STRN: variants seen among roughly 807,000 people sequenced by gnomAD.
STRN encodes protein phosphatase 2 regulatory subunit B'''alpha.
Under a neutral mutation model 96.3 loss-of-function variants are expected in STRN, and 53 were observed. That is an observed-to-expected ratio of 0.55 (90% CI 0.44 to 0.69). The LOEUF (loss-of-function observed/expected upper bound fraction) is 0.69, where lower values mean the gene tolerates loss of function less well. STRN is among the 30% of genes least tolerant of loss of function. The probability of loss-of-function intolerance (pLI) is 0.00; values close to 1 mark genes in which losing one functional copy is unlikely to be tolerated. For missense variants in STRN, 987 were observed against 963.9 expected (o/e 1.02, Z -0.32); for synonymous variants, 428 against 355.9 (o/e 1.20, Z -2.28).
At chr2:36,876,170 T>G (rs1382129137) in intron 10 of STRN, among the ~76,000 whole-genome samples, 2 of 150,168 alleles carry the variant, frequency 1.3e-5, no homozygotes, top group Non-Finnish European at 2.9e-5. Flanking sequence ...CTTGGGAGGC[T>G]GAGATGGGAG....
intron 6 of STRN, among the ~76,000 whole-genome samples, chr2:36,898,078 T>C (rs1669591377): frequency 6.6e-6 from 1 of 152,202 alleles, no homozygotes; most frequent in South Asian, 2.1e-4. Flanking sequence ...GTTTAGGAAT[T>C]TCTAGTAAGA....
At chr2:36,932,450 C>T (rs1465287305) in intron 1 of STRN, among the ~76,000 whole-genome samples, 2 of 152,132 alleles carry the variant, frequency 1.3e-5, no homozygotes, top group Non-Finnish European at 2.9e-5. Flanking sequence ...CCACCGCACC[C>T]GGCCTAGTTT....
intron 1 of STRN, among the ~76,000 whole-genome samples, chr2:36,932,271 C>G (rs1476839283): frequency 1.3e-5 from 2 of 152,016 alleles, no homozygotes; most frequent in Non-Finnish European, 2.9e-5. Context: ...TCTCCTATGT[C>G]AGCCTCCAGA....
chr2:36,916,068 A>G lies in STRN; in HGVS notation c.412+10T>C. On this transcript the variant is annotated intron_variant, in intron 3 of 17. Coordinates refer to ENST00000263918, the MANE Select transcript of STRN (RefSeq NM_003162.4). Reference sequence around the variant, plus strand: ...TTTTAACACTTAAACTTCCATTAAAATTAGCTTACCAGAATCATAGCTTGG... The same window carrying G: ...TTTTAACACTTAAACTTCCATTAAAGTTAGCTTACCAGAATCATAGCTTGG... 3 of 1,609,310 alleles carry G rather than the reference A, an allele frequency of 1.9e-6. No homozygotes were observed. The highest frequency in any genetic ancestry group is 2.5e-6 in the Non-Finnish European group (3 of 1,176,890).
At chr2:36,953,964 G>A (rs1032788119) in intron 1 of STRN, among the ~76,000 whole-genome samples, 1 of 152,070 alleles carries the variant, frequency 6.6e-6, no homozygotes, top group Non-Finnish European at 1.5e-5. Flanking sequence ...CCTATGAATA[G>A]TCACTGCACT....
Position 36,840,381 on chromosome 2 carries a change from G to A in STRN, c.*9075C>T, listed in dbSNP as rs1667923436. 6.6e-6 allele frequency: 1 copy of A among 152,130 alleles called. No individual in the cohort carries two copies. Among genetic ancestry groups the A allele is most frequent in the Non-Finnish European group, 1.5e-5 (1 of 68,064 alleles). The allele number at this position is 152,130 out of a possible 1,614,324, so 9.4% of individuals were successfully genotyped here. On this transcript the variant is annotated 3_prime_UTR_variant, in exon 18 of 18. Transcript: ENST00000263918. ...CATGCTCTGCTCAGTTTTCACGCAG[G>A]CAGGACTGGAACTGTGCAGTATAAA...
chr2:36,932,195 C>A (rs377467451), intron 1 of STRN, among the ~76,000 whole-genome samples: 1 of 152,134 alleles, frequency 6.6e-6, no homozygotes. Context: ...CACTCTGTTG[C>A]CCAGGCTGGA....
chr2:36,891,994 T>C (rs1292763222), intron 7 of STRN, among the ~76,000 whole-genome samples: 1 of 152,198 alleles, frequency 6.6e-6, no homozygotes, highest in Non-Finnish European at 1.5e-5. Flanking sequence ...TAATTAGTAT[T>C]TCTGATGTGT....
intron 1 of STRN, among the ~76,000 whole-genome samples, chr2:36,962,552 G>A (rs1026828437): frequency 1.7e-4 from 26 of 150,738 alleles, no homozygotes; most frequent in African/African-American, 5.4e-4. Flanking sequence ...TCTTAAGATG[G>A]AGTCTCATTC....
chr2:36,893,855 T>C, intron 7 of STRN, 43 bp downstream of exon 7: 12 of 1,552,920 alleles, frequency 7.7e-6, no homozygotes, highest in Non-Finnish European at 1.0e-5. Flanking sequence ...TAATTTCTTT[T>C]ATTTACTTAA....
chr2:36,882,889 C>T (rs903979801), intron 9 of STRN, among the ~76,000 whole-genome samples: 1 of 152,176 alleles, frequency 6.6e-6, no homozygotes, highest in Non-Finnish European at 1.5e-5. Context: ...TTTCCACATA[C>T]AAGCATTTTA....
At chr2:36,954,454 G>A (rs1045681512) in intron 1 of STRN, among the ~76,000 whole-genome samples, 1 of 150,054 alleles carries the variant, frequency 6.7e-6, no homozygotes, top group Non-Finnish European at 1.5e-5. Flanking sequence ...AGAGGTTGCA[G>A]TGAGTTGAGA....
chr2:36,879,799 T>A (rs767516592), intron 9 of STRN, among the ~76,000 whole-genome samples: 1 of 152,214 alleles, frequency 6.6e-6, no homozygotes, highest in Non-Finnish European at 1.5e-5. Flanking sequence ...TTCAGTTTTA[T>A]ATTCAATCAT....
intron 1 of STRN, among the ~76,000 whole-genome samples, chr2:36,948,832 G>C (rs1191302049): frequency 6.6e-6 from 1 of 152,196 alleles, no homozygotes; most frequent in Admixed American, 6.5e-5. Flanking sequence ...AATGGGACTT[G>C]AGCTAAATTT....
At chr2:36,897,309 T>G (rs1669566613) in intron 6 of STRN, among the ~76,000 whole-genome samples, 1 of 152,164 alleles carries the variant, frequency 6.6e-6, no homozygotes, top group African/African-American at 2.4e-5. Context: ...GTTGTTAAAG[T>G]CCTTTTCGGC....
intron 12 of STRN, among the ~76,000 whole-genome samples, chr2:36,866,221 C>T (rs1014514969): frequency 2.0e-5 from 3 of 152,034 alleles, no homozygotes; most frequent in African/African-American, 7.2e-5. Context: ...ACTACAGGAA[C>T]ACGTCACCAC....
At chr2:36,866,840 A>ATT (rs1668641788) in intron 12 of STRN, among the ~76,000 whole-genome samples, 1 of 152,136 alleles carries the variant, frequency 6.6e-6, no homozygotes. Flanking sequence ...AAATTAGAGT[A>ATT]GCAACTCCTG....
Position 36,862,190 on chromosome 2 carries a change from C to T in STRN, c.1548-937G>A, listed in dbSNP as rs1166238590. Reference sequence around the variant, plus strand: ...CGATGATGGGCATTTAGGGTGACTCCATGTCTTTGCTACTATGTGCTATGA... The same window carrying T: ...CGATGATGGGCATTTAGGGTGACTCTATGTCTTTGCTACTATGTGCTATGA... On this transcript the variant is annotated intron_variant, in intron 12 of 17. Transcript: ENST00000263918. Among the ~76,000 whole-genome samples, 3 of 152,150 alleles carry T rather than the reference C, an allele frequency of 2.0e-5. No individual in the cohort carries two copies. The East Asian group carries it at 5.8e-4, about 29-fold the overall frequency.
chr2:36,861,305 T>C (rs1455623927), intron 12 of STRN, 52 bp from the exon 13 acceptor site: 1 of 1,580,900 alleles, frequency 6.3e-7, no homozygotes, highest in South Asian at 1.2e-5. Flanking sequence ...ACCAACCTGA[T>C]AATATGACTT....
Sources: allele counts gnomAD v4.1 joint callset (sites outside exome capture counted in the v4.1 genomes callset), GRCh38; gene constraint gnomAD v4.1.1; transcripts MANE v1.5; gene names NCBI Gene and HGNC (gene_info 2026-07-23, HGNC 2026-07-21).